The following SLC9B1 variants were observed in gnomAD, a reference collection of about 807,000 sequenced individuals.
SLC9B1 encodes solute carrier family 9 member B1.
A neutral mutation model predicts 51.7 loss-of-function variants in SLC9B1; 32 were observed. The ratio of observed to expected loss-of-function variants is 0.62; its 90% confidence interval spans 0.47 to 0.83. The LOEUF (loss-of-function observed/expected upper bound fraction) is 0.83. SLC9B1 is among the 40% of genes least tolerant of loss of function. SLC9B1 has a pLI of 0.00. For missense variants in SLC9B1, 406 were observed against 613.2 expected (o/e 0.66, Z 3.57); for synonymous variants, 145 against 212.7 (o/e 0.68, Z 2.77).
At chr4:102,929,887 T>C (rs1357211835) in intron 7 of SLC9B1, among the ~76,000 whole-genome samples, 5 of 152,226 alleles carry the variant, frequency 3.3e-5, no homozygotes, top group African/African-American at 1.2e-4. Context: ...ATACCAATCA[T>C]GAAGGAAAAG....
At chr4:103,010,050 T>A (rs1741010803) in intron 1 of SLC9B1, among the ~76,000 whole-genome samples, 1 of 152,228 alleles carries the variant, frequency 6.6e-6, no homozygotes, top group Non-Finnish European at 1.5e-5. Context: ...GGATTTGATC[T>A]CATTAGTCAG....
At chr4:102,963,330 G>C (rs912327400) in intron 3 of SLC9B1, 7 of 274,626 alleles carry the variant, frequency 2.5e-5, no homozygotes, top group African/African-American at 1.5e-4. Context: ...TAATGTCTTA[G>C]TGTCTGCCTT....
chr4:102,974,429 T>G (rs1738950397), intron 3 of SLC9B1, among the ~76,000 whole-genome samples: 1 of 151,810 alleles, frequency 6.6e-6, no homozygotes, highest in East Asian at 1.9e-4. Context: ...TAAGATTGAT[T>G]AATTAAAAAG....
chr4:102,954,248 G>C, intron 3 of SLC9B1, among the ~76,000 whole-genome samples: 1 of 44,298 alleles, frequency 2.3e-5, no homozygotes, highest in Non-Finnish European at 3.9e-5. Flanking sequence ...TTTTGTCTTT[G>C]GCTCTGTTTA....
chr4:102,947,366 C>T (rs1356623878), intron 4 of SLC9B1, among the ~76,000 whole-genome samples: 1 of 152,170 alleles, frequency 6.6e-6, no homozygotes, highest in Non-Finnish European at 1.5e-5. Context: ...TCTCTACTGA[C>T]AGTGTACTGA....
intron 3 of SLC9B1, among the ~76,000 whole-genome samples, chr4:102,958,981 A>G (rs1341000804): frequency 6.6e-6 from 1 of 152,184 alleles, no homozygotes; most frequent in East Asian, 1.9e-4. Flanking sequence ...CTTGGTTAAC[A>G]TGAAAGAAGC....
intron 7 of SLC9B1, among the ~76,000 whole-genome samples, chr4:102,925,586 T>C (rs1292357798): frequency 6.6e-6 from 1 of 151,520 alleles, no homozygotes; most frequent in Non-Finnish European, 1.5e-5. Context: ...CTATATACCA[T>C]ATCTGTACAA....
chr4:103,019,543 C>CCCGG lies in SLC9B1; in HGVS notation c.-2+52_-2+55dup. 3 of 981,604 alleles carry CCCGG rather than the reference C, an allele frequency of 3.1e-6. No homozygotes were observed. The South Asian group carries it at 1.4e-4, about 46-fold the overall frequency. 60.8% of individuals were successfully genotyped at this position (981,604 alleles called of 1,614,324 possible). ...ACCGCAAGGAAACGATCGCGGCAGA[C>CCCGG]CCGGGACTAGCGCCAAAGGGCTTGG... On this transcript the variant is annotated intron_variant, in intron 1 of 11. Transcript: ENST00000296422.
At chr4:102,992,450 A>G (rs1241683020) in intron 1 of SLC9B1, among the ~76,000 whole-genome samples, 1 of 152,182 alleles carries the variant, frequency 6.6e-6, no homozygotes, top group Non-Finnish European at 1.5e-5. Context: ...CATATCCTGT[A>G]GTGCTTCAAG....
At chr4:103,008,422 CTT>C (rs3974483) in intron 1 of SLC9B1, among the ~76,000 whole-genome samples, 74,421 of 145,596 alleles carry the variant, frequency 0.51, 18,870 homozygotes, top group African/African-American at 0.6. Flanking sequence ...TCATTTGCTA[CTT>C]TTTTTTTTTT....
chr4:103,018,972 G>A (rs1741577897), intron 1 of SLC9B1, among the ~76,000 whole-genome samples: 1 of 152,148 alleles, frequency 6.6e-6, no homozygotes, highest in South Asian at 2.1e-4. Flanking sequence ...TCTAAATTGC[G>A]CCTTCTCAAG....
At chr4:102,992,444 T>A (rs1739990944) in intron 1 of SLC9B1, among the ~76,000 whole-genome samples, 1 of 152,140 alleles carries the variant, frequency 6.6e-6, no homozygotes, top group South Asian at 2.1e-4. Flanking sequence ...TATTACCATA[T>A]CCTGTAGTGC....
intron 3 of SLC9B1, among the ~76,000 whole-genome samples, chr4:102,968,057 A>G (rs528020949): frequency 2.0e-5 from 3 of 152,330 alleles, no homozygotes; most frequent in Non-Finnish European, 2.9e-5. Flanking sequence ...AAATCTTGCT[A>G]AGTAAGAATG....
chr4:103,000,018 T>G (rs1361472307), intron 1 of SLC9B1, among the ~76,000 whole-genome samples: 3 of 152,136 alleles, frequency 2.0e-5, no homozygotes, highest in Non-Finnish European at 4.4e-5. Flanking sequence ...CAGGGGAAAA[T>G]GCCAGATGCT....
At chr4:102,921,976 C>A (rs564688338) in intron 7 of SLC9B1, among the ~76,000 whole-genome samples, 23 of 152,174 alleles carry the variant, frequency 1.5e-4, no homozygotes, top group African/African-American at 5.5e-4. Context: ...AATTTCACAC[C>A]CCACTGTCAA....
At chr4:102,999,594 A>G (rs1740411370) in intron 1 of SLC9B1, among the ~76,000 whole-genome samples, 1 of 152,232 alleles carries the variant, frequency 6.6e-6, no homozygotes, top group Non-Finnish European at 1.5e-5. Flanking sequence ...TACAAATTGT[A>G]CAGTCTCCAG....
In SLC9B1 at chr4:102,905,521, G is replaced by A. The variant is rs773393304; in HGVS notation, c.1325C>T (p.Thr442Ile). 6.2e-7 allele frequency: 1 copy of A among 1,610,260 alleles called. No individual in the cohort carries two copies. The highest frequency in any genetic ancestry group is 1.7e-5 in the Admixed American group (1 of 59,892). Residue 442 changes from threonine to isoleucine, a missense_variant, in exon 11 of 12, where the codon ACA becomes ATA. Physicochemically the swap from Thr to Ile is moderately conservative, Grantham distance 89. Around this residue, in one of 6 missense-constraint regions of SLC9B1, gnomAD observed 24 missense variants for 30.7 expected, o/e 0.78. Coordinates refer to ENST00000296422, the MANE Select transcript of SLC9B1 (RefSeq NM_139173.4). Reference sequence around the variant, plus strand: ...GGCTTAATATGTTCTTACCTGTACTGTAGCTTTGGGCATCCATGCTAAAGC... The same window carrying A: ...GGCTTAATATGTTCTTACCTGTACTATAGCTTTGGGCATCCATGCTAAAGC... ...FIALAWMPKA[T>I]VQAVLGPLAL...
chr4:102,922,003 A>G (rs2110444902), intron 7 of SLC9B1, among the ~76,000 whole-genome samples: 1 of 152,258 alleles, frequency 6.6e-6, no homozygotes, highest in East Asian at 1.9e-4. Context: ...AAAGATCAAG[A>G]AGACAGAAGG....
chr4:102,931,434 T>A lies in SLC9B1; in HGVS notation c.829+690A>T, dbSNP rs192848697. Among the ~76,000 whole-genome samples the A allele has an allele frequency of 5.4e-3, 823 of 152,216 alleles. 25 individuals carry two copies. In the East Asian group the frequency reaches 0.063, roughly 12 times the overall value. On this transcript the variant is annotated intron_variant, in intron 7 of 11. Transcript: ENST00000296422. ...TGGATGTGACTACTGCAGATTTTTT[T>A]AACTTTTCCTCTTTTTCTTATTTAT...
Sources: gnomAD v4.1 joint callset for allele counts (sites outside exome capture counted in the v4.1 genomes callset) on GRCh38, gnomAD v4.1.1 for gene constraint, gnomAD v4.1.1 regional missense constraint, MANE v1.5 for transcripts, NCBI Gene and HGNC (gene_info 2026-07-23, HGNC 2026-07-21) for gene names.